Variants in MYO3B observed in about 807,000 individuals in gnomAD.
MYO3B encodes the protein myosin-IIIb.
Under a neutral mutation model 174.6 loss-of-function variants are expected in MYO3B, and 156 were observed. That is an observed-to-expected ratio of 0.89 (90% CI 0.78 to 1.02). The LOEUF (loss-of-function observed/expected upper bound fraction) is 1.02, where lower values mean the gene tolerates loss of function less well. Among genes scored for constraint, MYO3B ranks in the 50% least tolerant of loss-of-function variants. The pLI is 0.00. For missense variants in MYO3B, 1,632 were observed against 1,639.4 expected (o/e 1.00, Z 0.08); for synonymous variants, 563 against 569.1 (o/e 0.99, Z 0.15).
At chr2:170,343,574 A>T (rs1160158299) in intron 8 of MYO3B, 1 of 152,304 alleles carries the variant, frequency 6.6e-6, no homozygotes, top group Non-Finnish European at 1.5e-5. Flanking sequence ...TGGGGAAGGA[A>T]CAGTGGGAAG....
intron 3 of MYO3B, among the ~76,000 whole-genome samples, chr2:170,211,602 T>C (rs2092771220): frequency 6.6e-6 from 1 of 152,206 alleles, no homozygotes; most frequent in African/African-American, 2.4e-5. Context: ...AGAAAAAGGC[T>C]AAGCGTTGTT....
In MYO3B at chr2:170,488,414, C is replaced by T. The variant is rs576108502; in HGVS notation, c.3015-10178C>T. 5.3e-5 allele frequency among the ~76,000 whole-genome samples: 8 copies of T among 151,952 alleles called. No homozygotes were observed. The South Asian group carries it at 1.7e-3, about 32-fold the overall frequency. On this transcript the variant is annotated intron_variant, in intron 25 of 34. Coordinates refer to ENST00000408978, the MANE Select transcript of MYO3B (RefSeq NM_138995.5). ...AAAAGTTGCCCATTTGTGTGTGTGCCTTTGTGTCAAACCTGGATCTATAGC... is the reference window on the plus strand; with the variant it reads ...AAAAGTTGCCCATTTGTGTGTGTGCTTTTGTGTCAAACCTGGATCTATAGC...
At chr2:170,382,737 A>G (rs1574887057) in intron 10 of MYO3B, 1 of 206,964 alleles carries the variant, frequency 4.8e-6, no homozygotes, top group East Asian at 1.2e-4. Flanking sequence ...CAGTAGGAAC[A>G]GCCTATTAAA....
At chr2:170,425,250 A>C (rs1438575608) in intron 22 of MYO3B, among the ~76,000 whole-genome samples, 1 of 152,250 alleles carries the variant, frequency 6.6e-6, no homozygotes, top group Non-Finnish European at 1.5e-5. Flanking sequence ...TTTTTAGAAC[A>C]CAAGACTGCC....
intron 7 of MYO3B, among the ~76,000 whole-genome samples, chr2:170,327,293 G>C (rs139663029): frequency 0.041 from 6,264 of 152,322 alleles, 151 homozygotes; most frequent in Middle Eastern, 0.075. Flanking sequence ...GCTGAGGCAG[G>C]AGAATCGCTT....
Position 170,654,301 on chromosome 2 carries a change from G to C in MYO3B, c.*1180G>C, listed in dbSNP as rs1484419403. ...CCTATAAGACCATTTCTCTAGAACA[G>C]ATGTTCTTAATATTTTTCTTACTCT... On this transcript the variant is annotated 3_prime_UTR_variant, in exon 35 of 35. Coordinates refer to ENST00000408978, the MANE Select transcript of MYO3B (RefSeq NM_138995.5). 2.6e-5 allele frequency: 4 copies of C among 152,078 alleles called. No individual in the cohort carries two copies. Among genetic ancestry groups the C allele is most frequent in the African/African-American group, 9.7e-5 (4 of 41,400 alleles). The allele number at this position is 152,078 out of a possible 1,614,324, so 9.4% of individuals were successfully genotyped here.
intron 7 of MYO3B, among the ~76,000 whole-genome samples, chr2:170,297,440 T>G (rs916230621): frequency 7.9e-5 from 12 of 152,254 alleles, no homozygotes; most frequent in African/African-American, 2.4e-4. Context: ...GAGTGCAAAA[T>G]TCAGAGATTG....
At chr2:170,311,828 T>C (rs1390529805) in intron 7 of MYO3B, among the ~76,000 whole-genome samples, 1 of 152,236 alleles carries the variant, frequency 6.6e-6, no homozygotes, top group African/African-American at 2.4e-5. Context: ...TGTCTGTATA[T>C]GCAGTTTTCC....
intron 9 of MYO3B, among the ~76,000 whole-genome samples, chr2:170,379,034 T>G (rs2094315081): frequency 1.3e-5 from 2 of 152,342 alleles, no homozygotes; most frequent in African/African-American, 4.8e-5. Flanking sequence ...GAGGGCTTAC[T>G]CCATCTTGAC....
intron 32 of MYO3B, among the ~76,000 whole-genome samples, chr2:170,633,854 C>T (rs1244515023): frequency 6.6e-6 from 1 of 152,178 alleles, no homozygotes; most frequent in African/African-American, 2.4e-5. Flanking sequence ...CATGAGTGAA[C>T]TCCCATTCAC....
intron 6 of MYO3B, among the ~76,000 whole-genome samples, chr2:170,219,963 T>A (rs953430685): frequency 6.6e-6 from 1 of 152,296 alleles, no homozygotes; most frequent in African/African-American, 2.4e-5. Context: ...GTACATTTAT[T>A]AAGAGGTGTT....
At chr2:170,592,353 C>T (rs1693869980) in intron 32 of MYO3B, among the ~76,000 whole-genome samples, 1 of 152,100 alleles carries the variant, frequency 6.6e-6, no homozygotes, top group Non-Finnish European at 1.5e-5. Context: ...GAAAGTTTCT[C>T]TTTAATAAGA....
intron 23 of MYO3B, among the ~76,000 whole-genome samples, chr2:170,444,665 A>T (rs1057045154): frequency 3.9e-5 from 6 of 152,230 alleles, no homozygotes; most frequent in African/African-American, 1.4e-4. Context: ...ATTTGGCCAC[A>T]CGTTAATACT....
chr2:170,443,871 A>G (rs2094820735), intron 22 of MYO3B, 96 bp from the exon 23 acceptor site: 1 of 985,536 alleles, frequency 1.0e-6, no homozygotes, highest in Non-Finnish European at 1.4e-6. Context: ...TGTTTTGAAA[A>G]TTCAGAAAAA....
chr2:170,248,719 A>G (rs926259089), intron 7 of MYO3B, among the ~76,000 whole-genome samples: 4 of 152,126 alleles, frequency 2.6e-5, no homozygotes, highest in Admixed American at 6.5e-5. Flanking sequence ...CTCTCCCCCA[A>G]TTTAAAGACC....
At chr2:170,297,643 C>T (rs960467053) in intron 7 of MYO3B, among the ~76,000 whole-genome samples, 1 of 152,094 alleles carries the variant, frequency 6.6e-6, no homozygotes, top group Admixed American at 6.5e-5. Flanking sequence ...TAAACTCGTT[C>T]TTTTATTTTT....
chr2:170,490,384 A>G (rs1009443246), intron 25 of MYO3B, among the ~76,000 whole-genome samples: 1 of 152,206 alleles, frequency 6.6e-6, no homozygotes, highest in Non-Finnish European at 1.5e-5. Context: ...TGATTTTTGT[A>G]TATTGATCTT....
chr2:170,233,666 C>G (rs531110639), intron 6 of MYO3B, among the ~76,000 whole-genome samples: 2 of 152,162 alleles, frequency 1.3e-5, no homozygotes, highest in African/African-American at 4.8e-5. Flanking sequence ...TGGGGCCAGG[C>G]CAAGGATGTG....
At chr2:170,486,358 G>A (rs1686057285) in intron 25 of MYO3B, among the ~76,000 whole-genome samples, 1 of 138,402 alleles carries the variant, frequency 7.2e-6, no homozygotes, top group South Asian at 2.2e-4. Flanking sequence ...AGGCTGGAGT[G>A]CAATGGCGCA....
Sources: gnomAD v4.1 joint callset for allele counts (sites outside exome capture counted in the v4.1 genomes callset) on GRCh38, gnomAD v4.1.1 for gene constraint, MANE v1.5 for transcripts, NCBI Gene and HGNC (gene_info 2026-07-23, HGNC 2026-07-21) for gene names.